Variants in TACR3 observed in about 807,000 individuals in gnomAD.
TACR3 encodes neuromedin-K receptor.
TACR3 carries 34 observed loss-of-function variants against 35.0 expected under a neutral mutation model. The ratio of observed to expected loss-of-function variants is 0.97; its 90% CI spans 0.74 to 1.30. The LOEUF (loss-of-function observed/expected upper bound fraction) is 1.30, where lower values mean the gene tolerates loss of function less well. Among genes scored for constraint, TACR3 ranks in the 50% most tolerant of loss-of-function variants. The probability of loss-of-function intolerance (pLI) is 0.00; values close to 1 mark genes in which losing one functional copy is unlikely to be tolerated. For synonymous variants in TACR3, 233 were observed against 221.1 expected (o/e 1.05, Z -0.48); for missense variants, 558 against 591.7 (o/e 0.94, Z 0.59).
chr4:103,598,528 C>A (rs1019563021), intron 3 of TACR3, among the ~76,000 whole-genome samples: 3 of 152,148 alleles, frequency 2.0e-5, no homozygotes, highest in East Asian at 3.9e-4. Context: ...AGTCCTTGCC[C>A]ATGCCTATGT....
Position 103,594,780 on chromosome 4 carries a change from A to G in TACR3, c.889-3097T>C, listed in dbSNP as rs534056823. On this transcript the variant is annotated intron_variant, in intron 3 of 4. Transcript: ENST00000304883. ...TTCAGATAGCTTTTAACTCACATAC[A>G]GAGGGCCTTTAGAACTTCTTGCGAA... is the stretch of plus-strand genomic sequence containing the variant. Among the ~76,000 whole-genome samples, 7 of 152,334 alleles carry G rather than the reference A, an allele frequency of 4.6e-5. No individual in the cohort carries two copies. The South Asian group carries it at 1.4e-3, about 32-fold the overall frequency.
intron 3 of TACR3, among the ~76,000 whole-genome samples, chr4:103,643,589 C>T (rs1725401847): frequency 6.6e-6 from 1 of 151,784 alleles, no homozygotes; most frequent in African/African-American, 2.4e-5. Context: ...CTTCCCAGAG[C>T]TTCAGTTTTT....
intron 3 of TACR3, among the ~76,000 whole-genome samples, chr4:103,632,956 C>T (rs1206133725): frequency 6.6e-6 from 1 of 151,920 alleles, no homozygotes; most frequent in Non-Finnish European, 1.5e-5. Flanking sequence ...AATTTGTTCT[C>T]TTAAAACTTA....
chr4:103,690,292 T>G (rs2110216324), intron 1 of TACR3, among the ~76,000 whole-genome samples: 1 of 152,196 alleles, frequency 6.6e-6, no homozygotes, highest in South Asian at 2.1e-4. Flanking sequence ...ACAGAAAAGC[T>G]TTGAATGTAA....
At chr4:103,680,127 T>C (rs1726259046) in intron 1 of TACR3, among the ~76,000 whole-genome samples, 1 of 151,706 alleles carries the variant, frequency 6.6e-6, no homozygotes, top group Non-Finnish European at 1.5e-5. Context: ...AGAGTGCTTT[T>C]GAGGGTTTCA....
chr4:103,606,152 T>G (rs932683951), intron 3 of TACR3, among the ~76,000 whole-genome samples: 1 of 151,892 alleles, frequency 6.6e-6, no homozygotes, highest in Non-Finnish European at 1.5e-5. Context: ...TGGCATTATT[T>G]CTGAGGGCTC....
At chr4:103,711,737 A>G (rs1207707198) in intron 1 of TACR3, among the ~76,000 whole-genome samples, 2 of 152,216 alleles carry the variant, frequency 1.3e-5, no homozygotes, top group African/African-American at 4.8e-5. Flanking sequence ...TTGTATATCT[A>G]GAAAACCCCA....
At chr4:103,611,648 C>A (rs1308524980) in intron 3 of TACR3, among the ~76,000 whole-genome samples, 1 of 105,090 alleles carries the variant, frequency 9.5e-6, no homozygotes, top group African/African-American at 2.6e-5. Flanking sequence ...AGTAGACAAG[C>A]ATTTCCTTTT....
chr4:103,716,267 G>A (rs1012621441), intron 1 of TACR3, among the ~76,000 whole-genome samples: 2 of 151,050 alleles, frequency 1.3e-5, no homozygotes, highest in Admixed American at 1.3e-4. Context: ...TGGAGGTATA[G>A]GGGTGAGGAG....
At chr4:103,679,352 T>C (rs1349475227) in intron 1 of TACR3, among the ~76,000 whole-genome samples, 1 of 152,040 alleles carries the variant, frequency 6.6e-6, no homozygotes, top group Admixed American at 6.6e-5. Flanking sequence ...ATGGTTACCT[T>C]AATAGCAGCA....
chr4:103,593,029 GTT>G (rs2110283990), intron 3 of TACR3, among the ~76,000 whole-genome samples: 1 of 152,202 alleles, frequency 6.6e-6, no homozygotes, highest in South Asian at 2.1e-4. Context: ...TTTTCCCAGT[GTT>G]CTTTAAATTA....
chr4:103,594,181 C>T (rs868075160), intron 3 of TACR3, among the ~76,000 whole-genome samples: 1,695 of 147,346 alleles, frequency 0.012, 32 homozygotes, highest in African/African-American at 0.04. Context: ...CAAAAATAAC[C>T]TTTTTTTTTT....
chr4:103,656,818 G>C (rs1725742200), intron 2 of TACR3, among the ~76,000 whole-genome samples: 1 of 151,804 alleles, frequency 6.6e-6, no homozygotes, highest in Admixed American at 6.6e-5. Flanking sequence ...TCAAATGGTG[G>C]GAAAAAAGTA....
rs187480787 is a variant in TACR3 at position 103,596,728 on chromosome 4, T to C, written c.889-5045A>G. ...ATTAACTCGTCATTTACATTAGGTA[T>C]ATCTCCTAATGCTATCCCTCCCCCG... On this transcript the variant is annotated intron_variant, in intron 3 of 4. Coordinates refer to ENST00000304883, the MANE Select transcript of TACR3 (RefSeq NM_001059.3). Among the ~76,000 whole-genome samples, 806 of 151,988 alleles carry C rather than the reference T, an allele frequency of 5.3e-3. 11 individuals are homozygous for C. Among genetic ancestry groups the C allele is most frequent in the African/African-American group, 0.018 (738 of 41,434 alleles).
intron 3 of TACR3, among the ~76,000 whole-genome samples, chr4:103,640,718 T>C (rs1334363679): frequency 6.6e-6 from 1 of 151,830 alleles, no homozygotes; most frequent in Non-Finnish European, 1.5e-5. Context: ...TCATAAATTT[T>C]TGTAAAACGT....
chr4:103,611,554 C>T (rs1724512434), intron 3 of TACR3, among the ~76,000 whole-genome samples: 1 of 152,168 alleles, frequency 6.6e-6, no homozygotes, highest in African/African-American at 2.4e-5. Context: ...CTCTGTGCCA[C>T]ATGCATTACC....
chr4:103,709,170 T>C (rs570682820), intron 1 of TACR3, among the ~76,000 whole-genome samples: 140 of 152,094 alleles, frequency 9.2e-4, no homozygotes, highest in African/African-American at 3.2e-3. Context: ...ACAAAGATAC[T>C]CCTCGAGAAG....
chr4:103,637,901 AAGG>A (rs1180761515), intron 3 of TACR3, among the ~76,000 whole-genome samples: 4 of 152,196 alleles, frequency 2.6e-5, no homozygotes, highest in Non-Finnish European at 4.4e-5. Flanking sequence ...GGACCTCTTC[AAGG>A]AGAACTACAA....
At chr4:103,646,003 C>T (rs144763353) in intron 3 of TACR3, among the ~76,000 whole-genome samples, 173 of 152,094 alleles carry the variant, frequency 1.1e-3, no homozygotes, top group African/African-American at 3.9e-3. Context: ...GTACATGGCA[C>T]GGAGCTCTTG....
Sources: gnomAD v4.1 joint callset for allele counts (sites outside exome capture counted in the v4.1 genomes callset) on GRCh38, gnomAD v4.1.1 for gene constraint, MANE v1.5 for transcripts, NCBI Gene and HGNC (gene_info 2026-07-23, HGNC 2026-07-21) for gene names.